Variants in RANGAP1 observed in about 807,000 individuals in gnomAD.
RANGAP1 encodes the protein ran GTPase-activating protein 1.
Under a neutral mutation model 63.5 loss-of-function variants are expected in RANGAP1, and 38 were observed. That is an observed-to-expected ratio of 0.60 (90% CI 0.46 to 0.78). The LOEUF is 0.78. Among genes scored for constraint, RANGAP1 ranks in the 30% least tolerant of loss-of-function variants. RANGAP1 has a pLI of 0.00. For missense variants in RANGAP1, 630 were observed against 740.3 expected (o/e 0.85, Z 1.73); for synonymous variants, 329 against 310.5 (o/e 1.06, Z -0.63).
rs557830938 is a variant in RANGAP1 at position 41,281,123 on chromosome 22, G to A, written c.-38-41C>T. 9.3e-6 allele frequency: 14 copies of A among 1,498,556 alleles called. No individual in the cohort carries two copies. In the South Asian group the frequency reaches 1.6e-4, roughly 17 times the overall value. The allele number at this position is 1,498,556 out of a possible 1,614,324, so 92.8% of individuals were successfully genotyped here. ...TTGCAGTAAGAAAAAGGAGTCTCCT[G>A]GGGCCCCTGGTTGGGGGCAGGGTAG... On this transcript the variant is annotated intron_variant, in intron 1 of 15. Transcript: ENST00000356244.
intron 4 of RANGAP1, among the ~76,000 whole-genome samples, chr22:41,267,212 C>T (rs991418048): frequency 2.6e-5 from 4 of 152,112 alleles, no homozygotes; most frequent in Non-Finnish European, 4.4e-5. Flanking sequence ...ATTCCAAATC[C>T]TAGCCTCACA....
At chr22:41,281,317 T>A in intron 1 of RANGAP1, 1 of 777,718 alleles carries the variant, frequency 1.3e-6, no homozygotes, top group Non-Finnish European at 1.7e-6. Context: ...AGCTACCATC[T>A]CATTACAAGT....
Position 41,274,600 on chromosome 22 carries a change from C to G in RANGAP1, c.240G>C (p.Lys80Asn). ...GGCCTACTCGCCCCACTCTGCTCAC[C>G]TTCAACTCCGACTTCTTCTCTAAGG... ...AKALEKKSEL[K>N]RCHWSDMFTG... The change falls in exon 3 of 16, where the codon AAG (lysine) becomes AAC (asparagine). Residue 80 changes from lysine to asparagine, a missense_variant and splice_region_variant. Physicochemically the swap from Lys to Asn is moderately conservative, Grantham distance 94. Coordinates refer to ENST00000356244, the MANE Select transcript of RANGAP1 (RefSeq NM_002883.4). 6.2e-7 allele frequency: 1 copy of G among 1,614,122 alleles called. No homozygotes were observed. Among genetic ancestry groups the G allele is most frequent in the Non-Finnish European group, 8.5e-7 (1 of 1,179,980 alleles).
intron 11 of RANGAP1, among the ~76,000 whole-genome samples, chr22:41,253,265 C>T (rs781175137): frequency 1.3e-5 from 2 of 152,176 alleles, no homozygotes; most frequent in Non-Finnish European, 2.9e-5. Flanking sequence ...AGTGGATCCT[C>T]GTCATGACAT....
At chr22:41,285,391 A>T (rs2035701496) in intron 1 of RANGAP1, 1 of 609,016 alleles carries the variant, frequency 1.6e-6, no homozygotes, top group Non-Finnish European at 2.1e-6. Context: ...GGAGCACAGA[A>T]ACGTAAATTG....
At chr22:41,268,938 G>A (rs139525) in intron 3 of RANGAP1, among the ~76,000 whole-genome samples, 59,038 of 151,978 alleles carry the variant, frequency 0.39, 12,171 homozygotes, top group Non-Finnish European at 0.45. Context: ...TTAACAAAGG[G>A]AGAGCAAGCC....
chr22:41,262,600 C>CT (rs60041855), intron 5 of RANGAP1, among the ~76,000 whole-genome samples: 39,829 of 152,110 alleles, frequency 0.26, 6,734 homozygotes, highest in Admixed American at 0.49. Flanking sequence ...CACAGCCATC[C>CT]TTGAGGAACA....
upstream of RANGAP1, among the ~76,000 whole-genome samples, chr22:41,286,466 G>C (rs1187336693): frequency 2.0e-5 from 3 of 152,250 alleles, no homozygotes; most frequent in African/African-American, 7.2e-5. Flanking sequence ...TCAGCCGGGA[G>C]CGCCCAGAGA....
At chr22:41,251,187 G>T (rs2033422126) in intron 12 of RANGAP1, 78 bp from the exon 13 acceptor site, 1 of 1,165,490 alleles carries the variant, frequency 8.6e-7, no homozygotes, top group Non-Finnish European at 1.3e-6. Flanking sequence ...GCTAGGAGAG[G>T]CCTGGGCAGT....
chr22:41,259,160 G>A (rs762403060), intron 6 of RANGAP1, among the ~76,000 whole-genome samples: 4 of 152,004 alleles, frequency 2.6e-5, no homozygotes, highest in Admixed American at 6.6e-5. Flanking sequence ...GCATCCCATC[G>A]GCCCCTGAGC....
intron 1 of RANGAP1, chr22:41,281,612 G>T (rs549582482): frequency 2.0e-6 from 2 of 986,834 alleles, no homozygotes; most frequent in Admixed American, 6.1e-5. Context: ...CCCACTGCAC[G>T]TCTGGTTTCA....
At position 41,284,404 on chromosome 22, in the gene RANGAP1, C is replaced by T. The variant is rs1005234854; in HGVS notation, c.-39+1582G>A. Among the ~76,000 whole-genome samples, 6 of 151,288 alleles carry T rather than the reference C, an allele frequency of 4.0e-5. No individual in the cohort carries two copies. In the South Asian group the frequency reaches 1.3e-3, roughly 32 times the overall value. On this transcript the variant is annotated intron_variant, in intron 1 of 15. Transcript: ENST00000356244. ...CCAACATGGAGAAACCCTGTCTCTA[C>T]CAAAAATACAAAATTAACCGGGCGT...
the RANGAP1 span, among the ~76,000 whole-genome samples, chr22:41,300,467 CACACACACACACAT>C: frequency 5.0e-4 from 25 of 50,122 alleles, 2 homozygotes; most frequent in East Asian, 5.6e-3. Context: ...CACACACACA[CACACACACACACAT>C]ATATTTCTGG....
chr22:41,294,445 C>A, the RANGAP1 span, among the ~76,000 whole-genome samples: 1 of 151,500 alleles, frequency 6.6e-6, no homozygotes, highest in African/African-American at 2.4e-5. Context: ...CCCAAAGTGC[C>A]GAGATTGCAG....
chr22:41,256,686 G>A (rs1346505331), intron 8 of RANGAP1, 25 bp downstream of exon 8: 1 of 1,601,418 alleles, frequency 6.2e-7, no homozygotes, highest in Non-Finnish European at 8.5e-7. Context: ...CCCAGAGGGA[G>A]GACGTCAGGC....
At chr22:41,280,848 C>T in intron 2 of RANGAP1, 85 bp downstream of exon 2, 1 of 1,585,960 alleles carries the variant, frequency 6.3e-7, no homozygotes, top group South Asian at 1.1e-5. Flanking sequence ...GACAATGTAG[C>T]AGAAAGAGCC....
chr22:41,260,663 A>G (rs1408702781), intron 6 of RANGAP1, among the ~76,000 whole-genome samples: 4 of 152,186 alleles, frequency 2.6e-5, no homozygotes, highest in South Asian at 2.1e-4. Context: ...CCTGGCCAAC[A>G]TGGTAAAACC....
chr22:41,254,691 G>A (rs1407555507), intron 10 of RANGAP1, 197 bp from the exon 11 acceptor site: 4 of 971,250 alleles, frequency 4.1e-6, no homozygotes, highest in Non-Finnish European at 3.7e-6. Flanking sequence ...AAATAAGATC[G>A]GCCCGGCGCG....
chr22:41,264,288 GCC>G (rs139518), intron 5 of RANGAP1, among the ~76,000 whole-genome samples: 1 of 152,002 alleles, frequency 6.6e-6, no homozygotes, highest in African/African-American at 2.4e-5. Context: ...CTGTGACGGT[GCC>G]CCCCCTGAGC....
Sources: allele counts gnomAD v4.1 joint callset (sites outside exome capture counted in the v4.1 genomes callset), GRCh38; gene constraint gnomAD v4.1.1; transcripts MANE v1.5; gene names NCBI Gene and HGNC (gene_info 2026-07-23, HGNC 2026-07-21).